The following ZNF318 variants were observed in gnomAD, a reference collection of about 807,000 sequenced individuals.
The protein encoded by ZNF318 is zinc finger protein 318, also known as endocrine regulator.
ZNF318 carries 51 observed loss-of-function variants against 124.2 expected under a neutral mutation model. The ratio of observed to expected loss-of-function variants is 0.41; its 90% CI spans 0.33 to 0.52. The LOEUF is 0.52. Ranked by LOEUF, ZNF318 falls within the 20% of genes least tolerant of loss-of-function variation. The probability of loss-of-function intolerance (pLI) is 0.23; values close to 1 mark genes in which losing one functional copy is unlikely to be tolerated. For missense variants in ZNF318, 2,815 were observed against 2,811.2 expected (o/e 1.00, Z -0.03); for synonymous variants, 1,090 against 1,040.7 (o/e 1.05, Z -0.91).
intron 2 of ZNF318, among the ~76,000 whole-genome samples, chr6:43,361,359 G>A (rs945119258): frequency 6.6e-6 from 1 of 152,154 alleles, no homozygotes; most frequent in African/African-American, 2.4e-5. Context: ...GGGGTCAGGA[G>A]ACTAGCCTGG....
chr6:43,357,149 C>T lies in ZNF318; in HGVS notation c.1165G>A (p.Asp389Asn), dbSNP rs1362728973. 6.2e-7 allele frequency: 1 copy of T among 1,613,190 alleles called. No individual in the cohort carries two copies. Among genetic ancestry groups the T allele is most frequent in the African/African-American group, 1.3e-5 (1 of 75,040 alleles). ...ACCTGCATGGAGGGCTCCATTATGT[C>T]CACCTCAATCCGCTTCTTCAAAATG... is the stretch of plus-strand genomic sequence containing the variant. ...KSILKKRIEVDIMEPSMQLES... is the reference protein window; with the variant it reads ...KSILKKRIEVNIMEPSMQLES... The change falls in exon 3 of 10, where the codon GAC becomes AAC. Residue 389 changes from aspartate to asparagine, a missense_variant. By Grantham distance (23) the Asp-to-Asn change is conservative (BLOSUM62 1). Around this residue, in one of 4 missense-constraint regions of ZNF318, gnomAD observed 1,377 missense variants for 1,353.5 expected, o/e 1.02. Transcript: ENST00000361428.
chr6:43,357,852 G>T, intron 2 of ZNF318, 87 bp from the exon 3 acceptor site: 1 of 1,272,898 alleles, frequency 7.9e-7, no homozygotes, highest in South Asian at 1.4e-5. Flanking sequence ...TTGTCAAGGG[G>T]GCTATAAAAT....
chr6:43,347,683 G>C (rs1779465605), intron 6 of ZNF318, among the ~76,000 whole-genome samples: 1 of 152,194 alleles, frequency 6.6e-6, no homozygotes, highest in Non-Finnish European at 1.5e-5. Context: ...ACACTCAGAA[G>C]ACTCATTTGA....
At position 43,342,205 on chromosome 6, in the gene ZNF318, C is replaced by T. The variant is rs1425863028; in HGVS notation, c.3283G>A (p.Asp1095Asn). 1 of 1,610,950 alleles carries T rather than the reference C, an allele frequency of 6.2e-7. No individual in the cohort carries two copies. The highest frequency in any genetic ancestry group is 8.5e-7 in the Non-Finnish European group (1 of 1,178,718). Residue 1095 changes from aspartate (D) to asparagine (N), a missense_variant, in exon 8 of 10, where the codon GAT (aspartate) becomes AAT (asparagine). Asp to Asn is a conservative substitution (Grantham distance 23). Around this residue, in one of 4 missense-constraint regions of ZNF318, gnomAD observed 500 missense variants for 605.2 expected, o/e 0.83. Coordinates refer to ENST00000361428, the MANE Select transcript of ZNF318 (RefSeq NM_014345.3). ...GAAGCCCAAGGTCTGTTGTAGGGAT[C>T]CAGTGTCTATTTGTAAGAGGCAGAG... ...MHNKKHTQTL[D>N]PYNRPWASKT...
Position 43,357,154 on chromosome 6 carries a change from T to A in ZNF318, c.1160A>T (p.Glu387Val), listed in dbSNP as rs778956809. ...CATGGAGGGCTCCATTATGTCCACC[T>A]CAATCCGCTTCTTCAAAATGGATTT... ...PKKSILKKRIEVDIMEPSMQL... is the reference protein window; with the variant it reads ...PKKSILKKRIVVDIMEPSMQL... Residue 387 changes from glutamate to valine, a missense_variant, in exon 3 of 10, where the codon GAG becomes GTG. Physicochemically the swap from Glu to Val is moderately radical, Grantham distance 121. Transcript: ENST00000361428. The A allele has an allele frequency of 1.2e-6, 2 of 1,613,534 alleles. No homozygotes were observed. The highest frequency in any genetic ancestry group is 1.7e-6 in the Non-Finnish European group (2 of 1,179,682).
chr6:43,347,206 C>A (rs1421945554), intron 6 of ZNF318, among the ~76,000 whole-genome samples: 3 of 152,072 alleles, frequency 2.0e-5, no homozygotes, highest in Non-Finnish European at 4.4e-5. Context: ...GGAGATGATA[C>A]ATTTGAGGAA....
In ZNF318 at chr6:43,338,276, G is replaced by T. The variant is rs1779318043; in HGVS notation, c.5722C>A (p.Pro1908Thr). ...ACAACTGAAACTCCTTGCTCTTGTG[G>T]ACTACCTGTTAAACACATAGCTGAT... ...ARSAMCLTGSPQEQGVSVVSE... is the reference protein window; with the variant it reads ...ARSAMCLTGSTQEQGVSVVSE... The change falls in exon 10 of 10, where the codon CCA becomes ACA. Residue 1908 changes from proline to threonine, a missense_variant. Transcript: ENST00000361428. 6.2e-7 allele frequency: 1 copy of T among 1,614,134 alleles called. No homozygotes were observed. Among genetic ancestry groups the T allele is most frequent in the East Asian group, 2.2e-5 (1 of 44,884 alleles).
intron 1 of ZNF318, among the ~76,000 whole-genome samples, chr6:43,366,785 G>A (rs1263005161): frequency 6.6e-6 from 1 of 152,140 alleles, no homozygotes; most frequent in Non-Finnish European, 1.5e-5. Flanking sequence ...AAGCCCGGGT[G>A]ACAGAGCAAC....
rs144153520 is a variant in ZNF318 at position 43,354,731 on chromosome 6, G to C, written c.2603C>G (p.Pro868Arg). 1 of 1,614,064 alleles carries C rather than the reference G, an allele frequency of 6.2e-7. No homozygotes were observed. The highest frequency in any genetic ancestry group is 1.3e-5 in the African/African-American group (1 of 75,050). The change falls in exon 4 of 10, where the codon CCA becomes CGA. Residue 868 changes from proline (P) to arginine (R), a missense_variant. Transcript: ENST00000361428. ...CTCTGGATTATATCTTATGAGTGATGGAATGGACACCTGGACAGGCACTTG... is the reference window on the plus strand; with the variant it reads ...CTCTGGATTATATCTTATGAGTGATCGAATGGACACCTGGACAGGCACTTG... ...AAQVPVQVSI[P>R]SLIRYNPEKI...
chr6:43,359,418 A>G (rs975295601), intron 2 of ZNF318, among the ~76,000 whole-genome samples: 10 of 152,232 alleles, frequency 6.6e-5, no homozygotes, highest in African/African-American at 2.2e-4. Flanking sequence ...ACACAAAACT[A>G]AAGTTTCTGA....
intron 2 of ZNF318, among the ~76,000 whole-genome samples, chr6:43,358,326 C>T (rs778060440): frequency 1.3e-5 from 2 of 151,942 alleles, no homozygotes; most frequent in Non-Finnish European, 2.9e-5. Context: ...CGGCTCACTG[C>T]AAGCTCCGCC....
rs1439686790 is a variant in ZNF318, at chr6:43,354,685, G to C, written c.2649C>G (p.Asn883Lys). 7 of 1,609,408 alleles carry C rather than the reference G, an allele frequency of 4.3e-6. No individual in the cohort carries two copies. In the Admixed American group the frequency reaches 1.2e-4, roughly 27 times the overall value. Reference protein sequence around the residue: ...YNPEKISDEKNRASQKQKVIE... With the variant: ...YNPEKISDEKKRASQKQKVIE... ...TCACCTTTTGCTTCTGGGAAGCACG[G>C]TTCTTCTCATCAGAGATCTTCTCTG... is the stretch of plus-strand genomic sequence containing the variant. Residue 883 changes from asparagine to lysine, a missense_variant, in exon 4 of 10, where the codon AAC becomes AAG. By Grantham distance (94) the Asn-to-Lys change is moderately conservative. Around this residue, in one of 4 missense-constraint regions of ZNF318, gnomAD observed 1,377 missense variants for 1,353.5 expected, o/e 1.02. Transcript: ENST00000361428.
Position 43,336,858 on chromosome 6 carries a change from A to G in ZNF318, c.*300T>C, listed in dbSNP as rs929094359. The G allele has an allele frequency of 6.2e-6, 1 of 160,102 alleles. No individual in the cohort carries two copies. The highest frequency in any genetic ancestry group is 1.4e-5 in the Non-Finnish European group (1 of 73,490). The allele number at this position is 160,102 out of a possible 1,614,324, so 9.9% of individuals were successfully genotyped here. Reference sequence around the variant, plus strand: ...AAGCACACTATGTGGTGAGCCAGTTAGACATGTGATTTTAATGACAAAGTG... The same window carrying G: ...AAGCACACTATGTGGTGAGCCAGTTGGACATGTGATTTTAATGACAAAGTG... On this transcript the variant is annotated 3_prime_UTR_variant, in exon 10 of 10. Transcript: ENST00000361428.
At position 43,337,473 on chromosome 6, in the gene ZNF318, A is replaced by G. The variant is rs1779299241; in HGVS notation, c.6525T>C (p.Phe2175=). ...PSPCLPDLVD[F]VTRTSGVQKD... is the part of the protein sequence containing the mutation. ...TTTGAACTCCAGAGGTCCGTGTGACAAAGTCAACAAGGTCTGGAAGGCAAG... is the reference window on the plus strand; with the variant it reads ...TTTGAACTCCAGAGGTCCGTGTGACGAAGTCAACAAGGTCTGGAAGGCAAG... Residue 2175 remains phenylalanine, a synonymous_variant, in exon 10 of 10, where the codon TTT becomes TTC. Coordinates refer to ENST00000361428, the MANE Select transcript of ZNF318 (RefSeq NM_014345.3). The G allele has an allele frequency of 2.5e-6, 4 of 1,614,216 alleles. No homozygotes were observed. The African/African-American group carries it at 4.0e-5, about 16-fold the overall frequency.
chr6:43,362,518 C>CTTTTTTTTTT (rs1180416139), intron 2 of ZNF318, among the ~76,000 whole-genome samples: 2 of 80,896 alleles, frequency 2.5e-5, no homozygotes, highest in African/African-American at 5.2e-5. Flanking sequence ...ACATACACGT[C>CTTTTTTTTTT]TTTTTTTTTT....
In ZNF318 at chr6:43,368,646, A is replaced by G. The variant is rs992437047; in HGVS notation, c.399+321T>C. The G allele has an allele frequency of 1.1e-5, 11 of 984,870 alleles. No individual in the cohort carries two copies. In the African/African-American group the frequency reaches 1.7e-4, roughly 16 times the overall value. 61.0% of individuals were successfully genotyped at this position (984,870 alleles called of 1,614,324 possible). A position where few individuals can be genotyped will look rare whatever the true frequency, so the allele number is the denominator to read the frequency against. ...CCCCGAGGACACATCAACTCTACAA[A>G]AAGTACCAAGACACACGGTTTGGAC... On this transcript the variant is annotated intron_variant, in intron 1 of 9. Transcript: ENST00000361428.
chr6:43,357,325 T>C lies in ZNF318; in HGVS notation c.989A>G (p.Glu330Gly). ...LARRKREEEE[E>G]RSRSLSQELV... is the part of the protein sequence containing the mutation. ...CTCCTGACTCAAGCTCCTACTTCGC[T>C]CCTCCTCTTCCTCTCGCTTTCGTCT... The change falls in exon 3 of 10, where the codon GAG becomes GGG. Residue 330 changes from glutamate to glycine, a missense_variant. Around this residue, in one of 4 missense-constraint regions of ZNF318, gnomAD observed 1,377 missense variants for 1,353.5 expected, o/e 1.02. Coordinates refer to ENST00000361428, the MANE Select transcript of ZNF318 (RefSeq NM_014345.3). 2.5e-6 allele frequency: 4 copies of C among 1,614,108 alleles called. No homozygotes were observed. The highest frequency in any genetic ancestry group is 3.4e-6 in the Non-Finnish European group (4 of 1,179,998).
chr6:43,339,165 G>A lies in ZNF318; in HGVS notation c.4833C>T (p.Asp1611=), dbSNP rs1562128045. 1 of 1,614,192 alleles carries A rather than the reference G, an allele frequency of 6.2e-7. No homozygotes were observed. Among genetic ancestry groups the A allele is most frequent in the Non-Finnish European group, 8.5e-7 (1 of 1,180,040 alleles). The part of the protein sequence containing the change: ...NSNLSRTKSS[D]TSSTSPLNSS... ...TGTTCAAAGGAGAAGTAGAAGAGGTGTCTGAACTTTTGGTTCTAGAGAGGT... is the reference window on the plus strand; with the variant it reads ...TGTTCAAAGGAGAAGTAGAAGAGGTATCTGAACTTTTGGTTCTAGAGAGGT... Residue 1611 remains aspartate, a synonymous_variant, in exon 10 of 10, where the codon GAC becomes GAT. Coordinates refer to ENST00000361428, the MANE Select transcript of ZNF318 (RefSeq NM_014345.3). The surrounding 1 kb of genome is among the most constrained non-coding windows in gnomAD (Gnocchi z 4.2).
chr6:43,369,336 G>A lies in ZNF318; in HGVS notation c.30C>T (p.Val10=). The change falls in exon 1 of 10, where the codon GTC becomes GTT. Residue 10 remains valine, a synonymous_variant. Coordinates refer to ENST00000361428, the MANE Select transcript of ZNF318 (RefSeq NM_014345.3). ...CGTCGTCTTTAGGCCGGTGGGAAGA[G>A]ACGGAGGAGCGAGCGCTGCTGCGGT... MYRSSARSS[V]SSHRPKDDGG... is the part of the protein sequence containing the mutation. The A allele has an allele frequency of 7.5e-7, 1 of 1,340,992 alleles. No homozygotes were observed. Among genetic ancestry groups the A allele is most frequent in the Non-Finnish European group, 9.6e-7 (1 of 1,038,406 alleles). The allele number at this position is 1,340,992 out of a possible 1,614,324, so 83.1% of individuals were successfully genotyped here.
Sources: allele counts gnomAD v4.1 joint callset (sites outside exome capture counted in the v4.1 genomes callset), GRCh38; gene constraint gnomAD v4.1.1; regional missense constraint gnomAD v4.1.1; non-coding constraint Gnocchi (gnomAD v3.1); transcripts MANE v1.5; gene names NCBI Gene and HGNC (gene_info 2026-07-23, HGNC 2026-07-21).